The following PAFAH1B2 variants were observed in gnomAD, a reference collection of about 807,000 sequenced individuals.
PAFAH1B2 encodes the protein platelet activating factor acetylhydrolase 1b catalytic subunit 2.
Under a neutral mutation model 28.0 loss-of-function variants are expected in PAFAH1B2, and 8 were observed. The observed-to-expected ratio is 0.29, with a 90% CI of 0.17 to 0.52. The LOEUF is 0.52. Ranked by LOEUF, PAFAH1B2 falls within the 20% of genes least tolerant of loss-of-function variation. PAFAH1B2 has a pLI of 0.97. For synonymous variants in PAFAH1B2, 104 were observed against 103.2 expected, an observed-to-expected ratio of 1.01 and a Z score of -0.05; for missense variants, 190 against 282.6, an observed-to-expected ratio of 0.67 and a Z score of 2.35.
intron 2 of PAFAH1B2, among the ~76,000 whole-genome samples, chr11:117,155,143 C>T (rs1462969524): frequency 3.9e-5 from 6 of 151,922 alleles, no homozygotes; most frequent in African/African-American, 1.2e-4. Flanking sequence ...TTAGTAGAGA[C>T]GAGGTTTCCC....
At chr11:117,177,459 T>C (rs2030047140), downstream of PAFAH1B2, among the ~76,000 whole-genome samples, 1 of 152,244 alleles carries the variant, frequency 6.6e-6, no homozygotes, top group Non-Finnish European at 1.5e-5. Flanking sequence ...CTGGAGACAT[T>C]GCTAAATGTT....
In PAFAH1B2 at chr11:117,169,842, G is replaced by A. The variant is rs1251339580; in HGVS notation, c.*2143G>A. On this transcript the variant is annotated 3_prime_UTR_variant, in exon 6 of 6. Coordinates refer to ENST00000527958, the MANE Select transcript of PAFAH1B2 (RefSeq NM_002572.4). ...TATCCACGTCTTTTTCTGTTTGTCA[G>A]AAGGTGGGAGTATGGTCCAAATAAA... The A allele has an allele frequency of 4.7e-6, 5 of 1,055,284 alleles. No individual in the cohort carries two copies. The highest frequency in any genetic ancestry group is 1.7e-5 in the African/African-American group (1 of 60,374). The allele number at this position is 1,055,284 out of a possible 1,614,324, so 65.4% of individuals were successfully genotyped here. A position where few individuals can be genotyped will look rare whatever the true frequency, so the allele number is the denominator to read the frequency against.
At chr11:117,146,203 C>T (rs1329536379) in intron 1 of PAFAH1B2, among the ~76,000 whole-genome samples, 1 of 150,496 alleles carries the variant, frequency 6.6e-6, no homozygotes, top group African/African-American at 2.5e-5. Flanking sequence ...CTCACTACAA[C>T]CTCTGCCTCC....
intron 1 of PAFAH1B2, among the ~76,000 whole-genome samples, chr11:117,151,636 A>G (rs4938351): frequency 6.6e-6 from 1 of 151,974 alleles, no homozygotes; most frequent in African/African-American, 2.4e-5. Context: ...CATAATCTGT[A>G]CTACAGTTAT....
chr11:117,170,813 C>T lies in PAFAH1B2; in HGVS notation c.*3114C>T. 4.7e-6 allele frequency: 5 copies of T among 1,060,188 alleles called. No individual in the cohort carries two copies. The highest frequency in any genetic ancestry group is 4.6e-6 in the Non-Finnish European group (4 of 876,156). 65.7% of individuals were successfully genotyped at this position (1,060,188 alleles called of 1,614,324 possible). The stretch of plus-strand genomic sequence containing the variant: ...TGGAAATGAGGAGCATGTCCAAGCT[C>T]CTAAATCCGTGTGGGTGCATGTGGG... On this transcript the variant is annotated 3_prime_UTR_variant, in exon 6 of 6. Coordinates refer to ENST00000527958, the MANE Select transcript of PAFAH1B2 (RefSeq NM_002572.4).
At chr11:117,148,197 A>G (rs1956061540) in intron 1 of PAFAH1B2, among the ~76,000 whole-genome samples, 1 of 151,754 alleles carries the variant, frequency 6.6e-6, no homozygotes, top group African/African-American at 2.4e-5. Flanking sequence ...GATTACAAGT[A>G]TGTGCCACCC....
chr11:117,159,766 G>GT, intron 2 of PAFAH1B2, 168 bp from the exon 3 acceptor site: 1 of 513,352 alleles, frequency 1.9e-6, no homozygotes, highest in East Asian at 3.0e-5. Context: ...GAAAAAAGTT[G>GT]TTTTTGTAGA....
intron 1 of PAFAH1B2, 119 bp downstream of exon 1, chr11:117,144,537 C>A (rs982876223): frequency 5.6e-5 from 10 of 177,018 alleles, no homozygotes; most frequent in Non-Finnish European, 9.9e-5. Context: ...GGCCCCTCCC[C>A]CCACGCCGCC....
chr11:117,168,133 A>C lies in PAFAH1B2; in HGVS notation c.*434A>C. 9.5e-7 allele frequency: 1 copy of C among 1,052,368 alleles called. No homozygotes were observed. The highest frequency in any genetic ancestry group is 1.1e-6 in the Non-Finnish European group (1 of 869,750). The allele number at this position is 1,052,368 out of a possible 1,614,324, so 65.2% of individuals were successfully genotyped here. On this transcript the variant is annotated 3_prime_UTR_variant, in exon 6 of 6. Transcript: ENST00000527958. ...TTTCTCCAATTTTTTTAAGGTTCAT[A>C]ATTTAGCCTTTTGTTTTTATGTTGC...
At chr11:117,172,503 A>G (rs1178305928), downstream of PAFAH1B2, among the ~76,000 whole-genome samples, 1 of 150,650 alleles carries the variant, frequency 6.6e-6, no homozygotes, top group Non-Finnish European at 1.5e-5. Context: ...CTTGCTTGTC[A>G]GCCACTGAGT....
downstream of PAFAH1B2, chr11:117,175,897 A>G: frequency 6.5e-7 from 1 of 1,535,686 alleles, no homozygotes. Context: ...GTGTTTCTTA[A>G]TGTTTCAGAT....
downstream of PAFAH1B2, chr11:117,175,079 A>G: frequency 7.8e-7 from 1 of 1,285,104 alleles, no homozygotes; most frequent in Non-Finnish European, 9.9e-7. Context: ...TGGTCCATTC[A>G]ACACTCAGGC....
downstream of PAFAH1B2, chr11:117,171,551 A>G (rs1051879926): frequency 1.7e-6 from 1 of 579,956 alleles, no homozygotes. Flanking sequence ...AAAAAAAAAA[A>G]TACAGTGTTA....
intron 1 of PAFAH1B2, among the ~76,000 whole-genome samples, chr11:117,149,684 GGCCTCCCA>G (rs1490527770): frequency 2.6e-5 from 4 of 151,014 alleles, no homozygotes; most frequent in African/African-American, 9.7e-5. Flanking sequence ...TGCCTGCCTC[GGCCTCCCA>G]AAGTGCTGGG....
At chr11:117,157,174 G>C (rs1956272375) in intron 2 of PAFAH1B2, among the ~76,000 whole-genome samples, 1 of 151,896 alleles carries the variant, frequency 6.6e-6, no homozygotes, top group South Asian at 2.1e-4. Flanking sequence ...TGAAACAATA[G>C]TAATTTTTAA....
intron 5 of PAFAH1B2, 23 bp from the exon 6 acceptor site, chr11:117,167,398 T>C (rs765265555): frequency 4.6e-6 from 7 of 1,524,392 alleles, no homozygotes; most frequent in African/African-American, 1.4e-5. Context: ...TCTTCTAATT[T>C]AATGTTTTCC....
At chr11:117,158,947 TTTATAAGAGGATGTTC>T in intron 2 of PAFAH1B2, among the ~76,000 whole-genome samples, 1 of 152,258 alleles carries the variant, frequency 6.6e-6, no homozygotes, top group Non-Finnish European at 1.5e-5. Flanking sequence ...ACCATTTGGT[TTTATAAGAGGATGTTC>T]TTACTCTTAG....
chr11:117,146,114 C>CTTTTTT (rs376242740), intron 1 of PAFAH1B2, among the ~76,000 whole-genome samples: 8 of 137,970 alleles, frequency 5.8e-5, no homozygotes, highest in African/African-American at 1.7e-4. Flanking sequence ...GTCTTTCTTT[C>CTTTTTT]TTTTTTTTTT....
intron 4 of PAFAH1B2, 125 bp downstream of exon 4, chr11:117,161,386 T>C (rs865888025): frequency 5.1e-6 from 3 of 583,356 alleles, no homozygotes; most frequent in South Asian, 2.5e-5. Flanking sequence ...TCGTGCCTCT[T>C]TAAGGTAAAT....
Sources: allele counts gnomAD v4.1 joint callset (sites outside exome capture counted in the v4.1 genomes callset), GRCh38; gene constraint gnomAD v4.1.1; transcripts MANE v1.5; gene names NCBI Gene and HGNC (gene_info 2026-07-23, HGNC 2026-07-21).